The following HMHB1 variants were observed in gnomAD, a reference collection of about 807,000 sequenced individuals.
The protein encoded by HMHB1 is histocompatibility minor HB-1.
Under a neutral mutation model 2.4 loss-of-function variants are expected in HMHB1, and 4 were observed. The observed-to-expected ratio is 1.65, with a 90% CI of 0.81 to 3.77. The LOEUF (loss-of-function observed/expected upper bound fraction) is 3.77. Ranked by LOEUF, HMHB1 falls within the 30% of genes most tolerant of loss-of-function variation. The probability of loss-of-function intolerance (pLI) is 0.01; values close to 1 mark genes in which losing one functional copy is unlikely to be tolerated. For missense variants in HMHB1, 57 were observed against 44.2 expected, an observed-to-expected ratio of 1.29 and a Z score of -0.82; for synonymous variants, 22 against 17.6, an observed-to-expected ratio of 1.25 and a Z score of -0.63.
At chr5:143,813,112 GC>G (rs773306376) in intron 1 of HMHB1, among the ~76,000 whole-genome samples, 81 of 152,294 alleles carry the variant, frequency 5.3e-4, no homozygotes, top group African/African-American at 1.5e-3. Context: ...GACTGATGAG[GC>G]CGGGGAAGCC....
At chr5:143,815,583 A>G (rs1759738410) in intron 1 of HMHB1, among the ~76,000 whole-genome samples, 1 of 146,516 alleles carries the variant, frequency 6.8e-6, no homozygotes, top group South Asian at 2.1e-4. Flanking sequence ...TTTGGAGTGC[A>G]GTGGCGCAAT....
At chr5:143,816,309 C>T (rs2126793426) in intron 1 of HMHB1, among the ~76,000 whole-genome samples, 1 of 152,312 alleles carries the variant, frequency 6.6e-6, no homozygotes, top group South Asian at 2.1e-4. Context: ...ATCACATGAG[C>T]TGTATACATT....
At chr5:143,813,918 T>A (rs1377888521) in intron 1 of HMHB1, among the ~76,000 whole-genome samples, 1 of 152,194 alleles carries the variant, frequency 6.6e-6, no homozygotes, top group African/African-American at 2.4e-5. Context: ...ATATGGCACA[T>A]GATATTTTCA....
intron 1 of HMHB1, 36 bp from the exon 2 acceptor site, chr5:143,820,444 A>G (rs750360047): frequency 8.0e-7 from 1 of 1,243,782 alleles, no homozygotes; most frequent in Non-Finnish European, 1.2e-6. Flanking sequence ...GAGAAGTTGT[A>G]AGCTCAAGTC....
intron 1 of HMHB1, among the ~76,000 whole-genome samples, chr5:143,815,392 G>A (rs1759735271): frequency 6.6e-6 from 1 of 152,114 alleles, no homozygotes; most frequent in African/African-American, 2.4e-5. Flanking sequence ...CATTGCTCAT[G>A]GTCCCATCTT....
chr5:143,812,195 A>C lies in HMHB1; in HGVS notation c.-73A>C, dbSNP rs2232234. 9,895 of 1,433,356 alleles carry C rather than the reference A, an allele frequency of 6.9e-3. 60 individuals carry two copies. The highest frequency in any genetic ancestry group is 0.015 in the South Asian group (1,175 of 79,932). The allele number at this position is 1,433,356 out of a possible 1,614,324, so 88.8% of individuals were successfully genotyped here. A position where few individuals can be genotyped will look rare whatever the true frequency, so the allele number is the denominator to read the frequency against. ...AGGAGGCCGAGGCGGCTTGCCCCGC[A>C]TCTCAGAAGCCGGGCAGGCCCTGAG... On this transcript the variant is annotated 5_prime_UTR_variant, in exon 1 of 2. Coordinates refer to ENST00000289448, the MANE Select transcript of HMHB1 (RefSeq NM_021182.3).
intron 1 of HMHB1, among the ~76,000 whole-genome samples, chr5:143,813,937 T>G (rs937454887): frequency 6.6e-6 from 1 of 152,228 alleles, no homozygotes; most frequent in Non-Finnish European, 1.5e-5. Context: ...CATATTTTTA[T>G]GTGTTACTAT....
intron 1 of HMHB1, among the ~76,000 whole-genome samples, chr5:143,812,616 T>C (rs1759704702): frequency 6.6e-6 from 1 of 152,148 alleles, no homozygotes; most frequent in Non-Finnish European, 1.5e-5. Context: ...GAAGTGCAGA[T>C]GGGCAGGAAG....
intron 1 of HMHB1, among the ~76,000 whole-genome samples, chr5:143,819,618 G>C (rs1759785515): frequency 7.0e-6 from 1 of 142,414 alleles, no homozygotes; most frequent in South Asian, 2.3e-4. Context: ...CTGGGCGAGA[G>C]AGTGAGACTC....
chr5:143,812,351 A>G, intron 1 of HMHB1, 47 bp downstream of exon 1: 1 of 1,511,792 alleles, frequency 6.6e-7, no homozygotes, highest in Non-Finnish European at 9.0e-7. Context: ...GGAAAGAGGC[A>G]GCGAAGGGGC....
chr5:143,814,041 G>C (rs1320105696), intron 1 of HMHB1, among the ~76,000 whole-genome samples: 2 of 152,140 alleles, frequency 1.3e-5, no homozygotes, highest in East Asian at 3.9e-4. Context: ...CATTCTTACT[G>C]ACATGCATTG....
intron 1 of HMHB1, among the ~76,000 whole-genome samples, chr5:143,816,938 A>G (rs533767553): frequency 9.2e-5 from 14 of 152,094 alleles, no homozygotes; most frequent in Admixed American, 2.0e-4. Flanking sequence ...TTTGATTTGC[A>G]TTTCCTTGAT....
At chr5:143,817,674 T>G (rs755075668) in intron 1 of HMHB1, among the ~76,000 whole-genome samples, 11 of 152,154 alleles carry the variant, frequency 7.2e-5, no homozygotes, top group Non-Finnish European at 1.2e-4. Flanking sequence ...TTATCTTGGT[T>G]TGGCTATGCG....
intron 1 of HMHB1, among the ~76,000 whole-genome samples, chr5:143,816,270 G>C (rs1759748730): frequency 6.6e-6 from 1 of 152,110 alleles, no homozygotes; most frequent in South Asian, 2.1e-4. Context: ...CAGTTCTTTA[G>C]TGGTGATTTC....
intron 1 of HMHB1, among the ~76,000 whole-genome samples, chr5:143,817,483 T>C (rs918758169): frequency 6.6e-6 from 1 of 152,200 alleles, no homozygotes; most frequent in African/African-American, 2.4e-5. Context: ...CACTTTATGT[T>C]TTTGTTTGCT....
chr5:143,817,514 G>A (rs1415143118), intron 1 of HMHB1, among the ~76,000 whole-genome samples: 1 of 152,166 alleles, frequency 6.6e-6, no homozygotes, highest in Non-Finnish European at 1.5e-5. Flanking sequence ...TCAGTTGGCT[G>A]TAAGTATTTG....
chr5:143,812,517 T>C (rs1759703547), intron 1 of HMHB1, among the ~76,000 whole-genome samples: 1 of 152,118 alleles, frequency 6.6e-6, no homozygotes, highest in Non-Finnish European at 1.5e-5. Flanking sequence ...TCATAGCCCA[T>C]TGCCTGGCTG....
chr5:143,820,117 A>G (rs1344568020), intron 1 of HMHB1, among the ~76,000 whole-genome samples: 9 of 152,026 alleles, frequency 5.9e-5, no homozygotes, highest in African/African-American at 2.2e-4. Flanking sequence ...CTAATTATAG[A>G]AAATAAGATT....
chr5:143,816,693 G>A (rs1157186622), intron 1 of HMHB1, among the ~76,000 whole-genome samples: 3 of 152,190 alleles, frequency 2.0e-5, no homozygotes, highest in Non-Finnish European at 4.4e-5. Flanking sequence ...TTCGCATAAT[G>A]ACTTCTTTTC....
Sources: allele counts gnomAD v4.1 joint callset (sites outside exome capture counted in the v4.1 genomes callset), GRCh38; gene constraint gnomAD v4.1.1; transcripts MANE v1.5; gene names NCBI Gene and HGNC (gene_info 2026-07-23, HGNC 2026-07-21).